The following MAP2K6 variants were observed in gnomAD, a reference collection of about 807,000 sequenced individuals.
MAP2K6 encodes mitogen-activated protein kinase kinase 6, also known as dual specificity mitogen-activated protein kinase kinase 6.
MAP2K6 carries 16 observed loss-of-function variants against 53.7 expected under a neutral mutation model. That is an observed-to-expected ratio of 0.30 (90% CI 0.20 to 0.45). The LOEUF (loss-of-function observed/expected upper bound fraction) is 0.45. MAP2K6 is among the 20% of genes least tolerant of loss of function. The probability of loss-of-function intolerance (pLI) is 1.00; values close to 1 mark genes in which losing one functional copy is unlikely to be tolerated. For missense variants in MAP2K6, 204 were observed against 411.9 expected (o/e 0.50, Z 4.37); for synonymous variants, 132 against 143.1 (o/e 0.92, Z 0.55).
chr17:69,457,833 G>A (rs1200023343), intron 1 of MAP2K6, among the ~76,000 whole-genome samples: 1 of 151,964 alleles, frequency 6.6e-6, no homozygotes, highest in African/African-American at 2.4e-5. Context: ...AAACAAAAGA[G>A]GCAGGATCTC....
At chr17:69,507,332 TTGTGTG>T (rs34572619) in intron 2 of MAP2K6, among the ~76,000 whole-genome samples, 9 of 149,450 alleles carry the variant, frequency 6.0e-5, no homozygotes, top group African/African-American at 1.5e-4. Flanking sequence ...AAGTATTCCT[TTGTGTG>T]TGTGTGTGTG....
intron 1 of MAP2K6, among the ~76,000 whole-genome samples, chr17:69,501,918 G>GTTTT (rs11406039): frequency 6.2e-5 from 8 of 129,052 alleles, no homozygotes; most frequent in Non-Finnish European, 6.6e-5. Context: ...TCCCTCCCAT[G>GTTTT]TTTTTTTTTT....
chr17:69,430,524 C>T (rs181882432), intron 1 of MAP2K6, among the ~76,000 whole-genome samples: 1 of 152,292 alleles, frequency 6.6e-6, no homozygotes, highest in East Asian at 1.9e-4. Context: ...AATCTTTGTT[C>T]ATCTAGCTAT....
chr17:69,430,489 C>G (rs1291314285), intron 1 of MAP2K6, among the ~76,000 whole-genome samples: 3 of 152,202 alleles, frequency 2.0e-5, no homozygotes, highest in African/African-American at 4.8e-5. Flanking sequence ...GATTATACAT[C>G]TCTGATTCTT....
Position 69,542,949 on chromosome 17 carries a change from G to A in MAP2K6, c.*1196G>A, listed in dbSNP as rs537759125. 6.6e-6 allele frequency: 1 copy of A among 152,340 alleles called. No individual in the cohort carries two copies. Among genetic ancestry groups the A allele is most frequent in the Non-Finnish European group, 1.5e-5 (1 of 68,038 alleles). 9.4% of individuals were successfully genotyped at this position (152,340 alleles called of 1,614,324 possible). A position where few individuals can be genotyped will look rare whatever the true frequency, so the allele number is the denominator to read the frequency against. On this transcript the variant is annotated 3_prime_UTR_variant, in exon 12 of 12. Transcript: ENST00000590474. ...AAAGGTTGAATTAATTCCTGGGCAT[G>A]GACTACCAGATGACCACAAGTTGCG...
rs1320632551 is a variant in MAP2K6 at position 69,544,735 on chromosome 17, A to G, written c.*2982A>G. The stretch of plus-strand genomic sequence containing the variant: ...GTTTAAGAGGTGTGCCAAAAAAAGT[A>G]ATATGCATAACTTTTAAGACTATTA... On this transcript the variant is annotated 3_prime_UTR_variant, in exon 12 of 12. Transcript: ENST00000590474. 1 of 152,228 alleles carries G rather than the reference A, an allele frequency of 6.6e-6. No homozygotes were observed. The highest frequency in any genetic ancestry group is 1.5e-5 in the Non-Finnish European group (1 of 68,040). The allele number at this position is 152,228 out of a possible 1,614,324, so 9.4% of individuals were successfully genotyped here.
rs571220892 is a variant in MAP2K6 at position 69,414,872 on chromosome 17, C to T, written c.-113C>T. 2.1e-6 allele frequency: 2 copies of T among 941,002 alleles called. No individual in the cohort carries two copies. The highest frequency in any genetic ancestry group is 2.4e-5 in the East Asian group (1 of 41,174). The allele number at this position is 941,002 out of a possible 1,614,324, so 58.3% of individuals were successfully genotyped here. ...GCTGCATCGGTCAAGAGAAACTCCA[C>T]TTGCATGAAGATTGCACGCCTGCAG... On this transcript the variant is annotated 5_prime_UTR_variant, in exon 1 of 12. Coordinates refer to ENST00000590474, the MANE Select transcript of MAP2K6 (RefSeq NM_002758.4).
At chr17:69,518,723 T>A (rs1190316724) in intron 4 of MAP2K6, among the ~76,000 whole-genome samples, 1 of 152,222 alleles carries the variant, frequency 6.6e-6, no homozygotes, top group East Asian at 1.9e-4. Context: ...AAGTGTGAAG[T>A]CCCAGTGATA....
At chr17:69,427,752 A>T (rs1031487341) in intron 1 of MAP2K6, among the ~76,000 whole-genome samples, 7 of 152,206 alleles carry the variant, frequency 4.6e-5, no homozygotes, top group Non-Finnish European at 7.3e-5. Context: ...CCTGTCAGCC[A>T]TATCATCTCA....
chr17:69,528,597 G>A (rs2521361), intron 10 of MAP2K6, among the ~76,000 whole-genome samples: 95,114 of 151,618 alleles, frequency 0.63, 30,241 homozygotes, highest in Middle Eastern at 0.75. Flanking sequence ...GGTGGCTCAC[G>A]CCTGTAATTC....
intron 1 of MAP2K6, among the ~76,000 whole-genome samples, chr17:69,474,065 G>T (rs1325454737): frequency 1.3e-5 from 2 of 152,198 alleles, no homozygotes; most frequent in African/African-American, 4.8e-5. Flanking sequence ...TAATTTTAAG[G>T]CTAGCCAAAT....
chr17:69,441,101 CT>C (rs1906803050), intron 1 of MAP2K6, among the ~76,000 whole-genome samples: 2 of 152,132 alleles, frequency 1.3e-5, no homozygotes, highest in African/African-American at 4.8e-5. Flanking sequence ...TGGCATTATA[CT>C]TTTATGGGGC....
At chr17:69,457,042 C>T (rs944799115) in intron 1 of MAP2K6, among the ~76,000 whole-genome samples, 2 of 152,180 alleles carry the variant, frequency 1.3e-5, no homozygotes, top group Admixed American at 1.3e-4. Context: ...CCTTCTAGAA[C>T]ATCTCCTTTT....
intron 1 of MAP2K6, among the ~76,000 whole-genome samples, chr17:69,474,463 G>A (rs774902533): frequency 7.2e-5 from 11 of 152,256 alleles, no homozygotes; most frequent in Middle Eastern, 3.4e-3. Context: ...GATTCCATGC[G>A]TTCATCTCTG....
intron 1 of MAP2K6, among the ~76,000 whole-genome samples, chr17:69,487,501 T>C (rs16974063): frequency 0.051 from 7,710 of 152,326 alleles, 574 homozygotes; most frequent in East Asian, 0.16. Context: ...GTGTAGCTGA[T>C]GGGTAACTTA....
At chr17:69,461,172 C>T (rs891876224) in intron 1 of MAP2K6, among the ~76,000 whole-genome samples, 4 of 152,156 alleles carry the variant, frequency 2.6e-5, no homozygotes, top group Non-Finnish European at 4.4e-5. Flanking sequence ...TCTGGAGTAA[C>T]TCACAGCAAA....
Position 69,553,494 on chromosome 17 carries a change from G to A in MAP2K6, c.*11741G>A, listed in dbSNP as rs929620796. 2 of 152,158 alleles carry A rather than the reference G, an allele frequency of 1.3e-5. No homozygotes were observed. Among genetic ancestry groups the A allele is most frequent in the Non-Finnish European group, 2.9e-5 (2 of 68,042 alleles). The allele number at this position is 152,158 out of a possible 1,614,324, so 9.4% of individuals were successfully genotyped here. ...AAGCTTGACCTCCTCTTTTAATGAG[G>A]AACTTTCACGTTGACTTCCTATCTC... On this transcript the variant is annotated 3_prime_UTR_variant, in exon 12 of 12. Transcript: ENST00000590474.
intron 1 of MAP2K6, among the ~76,000 whole-genome samples, chr17:69,468,890 A>G (rs1338593256): frequency 6.6e-6 from 1 of 152,268 alleles, no homozygotes; most frequent in Non-Finnish European, 1.5e-5. Flanking sequence ...CAGAATGAAC[A>G]GTCTGTGCAA....
At chr17:69,461,038 G>A (rs543668636) in intron 1 of MAP2K6, among the ~76,000 whole-genome samples, 20 of 152,324 alleles carry the variant, frequency 1.3e-4, no homozygotes, top group Admixed American at 5.2e-4. Context: ...GCTCCTTAGA[G>A]AAGTAGGATG....
Sources: gnomAD v4.1 joint callset for allele counts (sites outside exome capture counted in the v4.1 genomes callset) on GRCh38, gnomAD v4.1.1 for gene constraint, MANE v1.5 for transcripts, NCBI Gene and HGNC (gene_info 2026-07-23, HGNC 2026-07-21) for gene names.